The following C11orf16 variants were observed in gnomAD, a reference collection of about 807,000 sequenced individuals.
C11orf16 encodes uncharacterized protein C11orf16.
C11orf16 carries 38 observed loss-of-function variants against 45.1 expected under a neutral mutation model. That is an observed-to-expected ratio of 0.84 (90% CI 0.65 to 1.10). The LOEUF is 1.10. C11orf16 is among the 50% of genes least tolerant of loss of function. The pLI, the probability that C11orf16 is intolerant of heterozygous loss-of-function variation, is 0.00. For missense variants in C11orf16, 583 were observed against 569.5 expected, an observed-to-expected ratio of 1.02 and a Z score of -0.24; for synonymous variants, 221 against 222.0, an observed-to-expected ratio of 1.00 and a Z score of 0.04.
Position 8,920,370 on chromosome 11 carries a change from C to T in C11orf16, c.*103G>A, listed in dbSNP as rs2134827642. 1 of 639,380 alleles carries T rather than the reference C, an allele frequency of 1.6e-6. No homozygotes were observed. The highest frequency in any genetic ancestry group is 1.8e-5 in the South Asian group (1 of 56,140). 39.6% of individuals were successfully genotyped at this position (639,380 alleles called of 1,614,324 possible). A position where few individuals can be genotyped will look rare whatever the true frequency, so the allele number is the denominator to read the frequency against. On this transcript the variant is annotated 3_prime_UTR_variant, in exon 7 of 7. Transcript: ENST00000326053. ...ATTTGACTGTTACCTGTGGCCTGTC[C>T]TCTGCCTCCTTCCGTTGAAGAAGGC... is the stretch of plus-strand genomic sequence containing the variant.
rs749464564 is a variant in C11orf16, at chr11:8,927,008, TC to T, written c.490del (p.Glu164SerfsTer18). On this transcript the variant is annotated frameshift_variant, in exon 4 of 7. Transcript: ENST00000326053. LOFTEE classifies it high-confidence loss of function. ...AGGGCCATACTGCTGTTGGCCTGGCTCCCAGAGTGCCAGCACCTTATCCCCT... is the reference window on the plus strand; with the variant it reads ...AGGGCCATACTGCTGTTGGCCTGGCTCCAGAGTGCCAGCACCTTATCCCCT... ...RPGDKVLALW[E>X]PGQQQYGPGT... 1.9e-6 allele frequency: 3 copies of T among 1,614,066 alleles called. No individual in the cohort carries two copies. The East Asian group carries it at 6.7e-5, about 36-fold the overall frequency.
chr11:8,926,439 C>T (rs1211858699), intron 4 of C11orf16, among the ~76,000 whole-genome samples: 2 of 152,168 alleles, frequency 1.3e-5, no homozygotes, highest in Non-Finnish European at 2.9e-5. Flanking sequence ...CTGCCAGGAA[C>T]ATCCTTCACC....
intron 2 of C11orf16, among the ~76,000 whole-genome samples, chr11:8,931,140 G>A (rs147866393): frequency 3.7e-4 from 57 of 152,220 alleles, no homozygotes; most frequent in Non-Finnish European, 4.9e-4. Flanking sequence ...GAGGGGTACC[G>A]AGGGAACCTG....
In C11orf16 at chr11:8,925,816, C is replaced by T; in HGVS notation, c.851G>A (p.Gly284Asp). ...CQLLCQGCLCGCPPCGTTWWP... is the reference protein window; with the variant it reads ...CQLLCQGCLCDCPPCGTTWWP... The stretch of plus-strand genomic sequence containing the variant: ...CCAAGTCGTGCCACATGGCGGGCAG[C>T]CACAGAGGCAGCCCTGGCACAGTAG... The change falls in exon 5 of 7, where the codon GGC (glycine) becomes GAC (aspartate). Residue 284 changes from glycine (G) to aspartate (D), a missense_variant. Transcript: ENST00000326053. 1 of 1,614,200 alleles carries T rather than the reference C, an allele frequency of 6.2e-7. No individual in the cohort carries two copies. Among genetic ancestry groups the T allele is most frequent in the East Asian group, 2.2e-5 (1 of 44,884 alleles).
rs143892206 is a variant in C11orf16, at chr11:8,925,490, C to A, written c.1177G>T (p.Gly393Trp). The A allele has an allele frequency of 1.2e-5, 20 of 1,614,048 alleles. No individual in the cohort carries two copies. In the African/African-American group the frequency reaches 2.5e-4, roughly 20 times the overall value. ...QPEWRYWKRN[G>W]PEPCLGKPGT... is the part of the protein sequence containing the mutation. ...GGCTTCCCAAGGCATGGCTCAGGCC[C>A]GTTTCTCTTCCAATACCTCCACTCA... The change falls in exon 5 of 7, where the codon GGG (glycine) becomes TGG (tryptophan). Residue 393 changes from glycine to tryptophan, a missense_variant. Coordinates refer to ENST00000326053, the MANE Select transcript of C11orf16 (RefSeq NM_020643.3).
intron 3 of C11orf16, chr11:8,927,848 T>C (rs1589934486): frequency 3.4e-6 from 1 of 290,798 alleles, no homozygotes; most frequent in South Asian, 3.1e-5. Flanking sequence ...ACAGAACCTA[T>C]ATTTGAGCAA....
intron 2 of C11orf16, among the ~76,000 whole-genome samples, chr11:8,931,880 C>T (rs1443740238): frequency 1.3e-5 from 2 of 152,172 alleles, no homozygotes; most frequent in Non-Finnish European, 2.9e-5. Flanking sequence ...AACTGGCTAT[C>T]CCTAACTGCC....
intron 2 of C11orf16, among the ~76,000 whole-genome samples, chr11:8,930,244 G>A (rs965733694): frequency 8.6e-5 from 13 of 151,940 alleles, no homozygotes; most frequent in East Asian, 3.9e-4. Context: ...TGGACAACAC[G>A]GTGAAACCCC....
At chr11:8,929,559 G>A in intron 2 of C11orf16, 26 bp from the exon 3 acceptor site, 2 of 1,595,964 alleles carry the variant, frequency 1.3e-6, no homozygotes, top group South Asian at 2.3e-5. Flanking sequence ...TGGAATTAGT[G>A]GATAGAGAGC....
intron 1 of C11orf16, 133 bp from the exon 2 acceptor site, chr11:8,932,459 C>T (rs2064656396): frequency 6.7e-6 from 4 of 599,152 alleles, no homozygotes; most frequent in Non-Finnish European, 1.1e-5. Flanking sequence ...TACCTGCTCC[C>T]ACAAACTCTC....
chr11:8,920,334 T>C lies in C11orf16; in HGVS notation c.*139A>G. 1 of 559,842 alleles carries C rather than the reference T, an allele frequency of 1.8e-6. No homozygotes were observed. Among genetic ancestry groups the C allele is most frequent in the Non-Finnish European group, 3.2e-6 (1 of 317,064 alleles). The allele number at this position is 559,842 out of a possible 1,614,324, so 34.7% of individuals were successfully genotyped here. ...CAGGGAGGTCTTCGTGGGGTGGAGA[T>C]ACTGGTGGTTATTTGACTGTTACCT... On this transcript the variant is annotated 3_prime_UTR_variant, in exon 7 of 7. Transcript: ENST00000326053.
intron 3 of C11orf16, chr11:8,927,386 C>T: frequency 1.7e-6 from 1 of 588,230 alleles, no homozygotes. Context: ...CCCTGAATCT[C>T]TTCCTGCCTC....
At position 8,921,452 on chromosome 11, in the gene C11orf16, G is replaced by A. The variant is rs2568023; in HGVS notation, c.1268C>T (p.Ala423Val). 0.99 allele frequency: 1,591,205 copies of A among 1,614,130 alleles called. 786,668 individuals are homozygous for A. The highest frequency in any genetic ancestry group is 1 in the East Asian group (44,886 of 44,888). The change falls in exon 6 of 7, where the codon GCA becomes GTA. Residue 423 changes from alanine (A) to valine (V), a missense_variant. Transcript: ENST00000326053. ...CAGCTCCTTGGTAGTCCCCACTACT[G>A]CAGTTTGTGCTCTCTGCTGTTTGTG... ...KDHKQQRAQTAVVGTTKELVS... is the reference protein window; with the variant it reads ...KDHKQQRAQTVVVGTTKELVS...
intron 3 of C11orf16, 36 bp from the exon 4 acceptor site, chr11:8,927,210 A>C: frequency 6.4e-7 from 1 of 1,551,580 alleles, no homozygotes; most frequent in Non-Finnish European, 8.8e-7. Context: ...AAGACCTGGC[A>C]TTACAAAGTA....
At chr11:8,927,227 G>A in intron 3 of C11orf16, 53 bp from the exon 4 acceptor site, 1 of 1,429,916 alleles carries the variant, frequency 7.0e-7, no homozygotes, top group Non-Finnish European at 9.7e-7. Context: ...AGTACAATAG[G>A]GAGCACCCAG....
In C11orf16 at chr11:8,925,680, G is replaced by A. The variant is rs146650403; in HGVS notation, c.987C>T (p.His329=). ...AGGAGGAAGAAACAGCCAGGGGAGCGTGCATTGCTACTTTCTCCTCTTTAG... is the reference window on the plus strand; with the variant it reads ...AGGAGGAAGAAACAGCCAGGGGAGCATGCATTGCTACTTTCTCCTCTTTAG... ...EGPKEEKVAM[H]APLAVSSSSS... is the part of the protein sequence containing the mutation. Residue 329 remains histidine (H), a synonymous_variant, in exon 5 of 7, where the codon CAC becomes CAT. Transcript: ENST00000326053. 309 of 1,614,124 alleles carry A rather than the reference G, an allele frequency of 1.9e-4. No homozygotes were observed. The highest frequency in any genetic ancestry group is 6.5e-4 in the East Asian group (29 of 44,902).
intron 5 of C11orf16, among the ~76,000 whole-genome samples, chr11:8,924,431 C>G (rs2064595092): frequency 6.6e-6 from 1 of 152,120 alleles, no homozygotes; most frequent in Non-Finnish European, 1.5e-5. Flanking sequence ...GAGGCTGAGG[C>G]ATGAGAATCA....
intron 5 of C11orf16, among the ~76,000 whole-genome samples, chr11:8,924,313 C>T (rs923612845): frequency 9.9e-5 from 15 of 152,230 alleles, no homozygotes; most frequent in Admixed American, 7.2e-4. Context: ...ATCACTTAGG[C>T]CAGGGGTTCG....
At chr11:8,930,256 C>T (rs1015536173) in intron 2 of C11orf16, among the ~76,000 whole-genome samples, 3 of 151,652 alleles carry the variant, frequency 2.0e-5, no homozygotes, top group Non-Finnish European at 4.4e-5. Context: ...TGAAACCCCA[C>T]CTCTACTAAA....
Sources: allele counts gnomAD v4.1 joint callset (sites outside exome capture counted in the v4.1 genomes callset), GRCh38; gene constraint gnomAD v4.1.1; transcripts MANE v1.5; gene names NCBI Gene and HGNC (gene_info 2026-07-23, HGNC 2026-07-21).